The following ABCC4 variants were observed in gnomAD, a reference collection of about 807,000 sequenced individuals.
The protein encoded by ABCC4 is ATP binding cassette subfamily C member 4 (PEL blood group).
In ABCC4, 102 loss-of-function variants were observed where a neutral mutation model predicts 168.5. That is an observed-to-expected ratio of 0.61 (90% CI 0.52 to 0.71). The LOEUF (loss-of-function observed/expected upper bound fraction) is 0.71. Ranked by LOEUF, ABCC4 falls within the 30% of genes least tolerant of loss-of-function variation. The probability of loss-of-function intolerance (pLI) is 0.00; values close to 1 mark genes in which losing one functional copy is unlikely to be tolerated. For synonymous variants in ABCC4, 617 were observed against 590.7 expected, an observed-to-expected ratio of 1.04 and a Z score of -0.65; for missense variants, 1,402 against 1,605.8, an observed-to-expected ratio of 0.87 and a Z score of 2.17.
At chr13:95,136,433 G>A (rs1211252770) in intron 19 of ABCC4, among the ~76,000 whole-genome samples, 1 of 152,168 alleles carries the variant, frequency 6.6e-6, no homozygotes, top group Non-Finnish European at 1.5e-5. Flanking sequence ...AAGATTACAG[G>A]CGTGAGCCAC....
chr13:95,071,921 T>C, intron 24 of ABCC4, 68 bp from the exon 25 acceptor site: 1 of 1,170,690 alleles, frequency 8.5e-7, no homozygotes, highest in Non-Finnish European at 1.1e-6. Context: ...TAAGAGACTG[T>C]CAATGAAATG....
chr13:95,100,243 A>G (rs777115023), intron 20 of ABCC4, among the ~76,000 whole-genome samples: 4 of 152,294 alleles, frequency 2.6e-5, no homozygotes, highest in Admixed American at 1.3e-4. Context: ...ATACCACCAG[A>G]CTTGATAAAA....
chr13:95,155,490 AAC>A (rs1231944759), intron 19 of ABCC4, among the ~76,000 whole-genome samples: 1 of 152,208 alleles, frequency 6.6e-6, no homozygotes, highest in Non-Finnish European at 1.5e-5. Flanking sequence ...AAAAAAAAGA[AAC>A]ATGGGAAGAA....
At chr13:95,045,934 A>G (rs2032557827) in intron 27 of ABCC4, among the ~76,000 whole-genome samples, 1 of 152,254 alleles carries the variant, frequency 6.6e-6, no homozygotes, top group Non-Finnish European at 1.5e-5. Flanking sequence ...TCCAAGAAAC[A>G]GGAATTTTGA....
intron 13 of ABCC4, among the ~76,000 whole-genome samples, chr13:95,172,618 T>C (rs1199519249): frequency 6.7e-6 from 1 of 148,830 alleles, no homozygotes; most frequent in Non-Finnish European, 1.5e-5. Flanking sequence ...ACATACAATG[T>C]TGGAGGTGAC....
chr13:95,046,390 G>T (rs1267738375), intron 27 of ABCC4, among the ~76,000 whole-genome samples: 6 of 152,154 alleles, frequency 3.9e-5, no homozygotes, highest in East Asian at 1.9e-4. Flanking sequence ...GTGAGGTGAA[G>T]AATAATGAAC....
At chr13:95,287,688 A>C (rs893065161) in intron 1 of ABCC4, among the ~76,000 whole-genome samples, 3 of 151,970 alleles carry the variant, frequency 2.0e-5, no homozygotes, top group African/African-American at 4.8e-5. Flanking sequence ...AAATTTGAGG[A>C]TGTAGTGTGC....
intron 23 of ABCC4, 65 bp downstream of exon 23, chr13:95,074,149 A>T: frequency 5.4e-6 from 7 of 1,289,038 alleles, no homozygotes. Context: ...GCAAGAGTTT[A>T]ATAAATGTAA....
intron 3 of ABCC4, among the ~76,000 whole-genome samples, chr13:95,239,097 T>TA (rs66526490): frequency 6.6e-5 from 10 of 150,890 alleles, no homozygotes; most frequent in South Asian, 4.2e-4. Context: ...TATTTGACTG[T>TA]AAAAAAAAAT....
chr13:95,280,204 T>C (rs1303187582), intron 1 of ABCC4, among the ~76,000 whole-genome samples: 1 of 151,968 alleles, frequency 6.6e-6, no homozygotes, highest in Non-Finnish European at 1.5e-5. Context: ...TCACTTGTAA[T>C]CAGGAGTTCG....
chr13:95,247,722 T>C lies in ABCC4; in HGVS notation c.106A>G (p.Lys36Glu). 1 of 1,614,108 alleles carries C rather than the reference T, an allele frequency of 6.2e-7. No homozygotes were observed. Among genetic ancestry groups the C allele is most frequent in the African/African-American group, 1.3e-5 (1 of 75,038 alleles). ...ATATCATCTTCCTCTAATCTCCGTT[T>C]ATGGCCAATTTTAAACAAGGGATTG... Reference protein sequence around the residue: ...WLNPLFKIGHKRRLEEDDMYS... With the variant: ...WLNPLFKIGHERRLEEDDMYS... Residue 36 changes from lysine to glutamate, a missense_variant, in exon 2 of 31, where the codon AAA (lysine) becomes GAA (glutamate). By Grantham distance (56) the Lys-to-Glu change is moderately conservative (BLOSUM62 1). Around this residue, in one of 3 missense-constraint regions of ABCC4, gnomAD observed 317 missense variants for 345.5 expected, o/e 0.92. Coordinates refer to ENST00000645237, the MANE Select transcript of ABCC4 (RefSeq NM_005845.5).
chr13:95,267,905 G>A (rs2040727283), intron 1 of ABCC4, among the ~76,000 whole-genome samples: 1 of 152,112 alleles, frequency 6.6e-6, no homozygotes, highest in African/African-American at 2.4e-5. Flanking sequence ...CAATCCCACA[G>A]CCAATGAGCC....
rs1566553891 is a variant in ABCC4, at chr13:95,234,784, A to AT, written c.356dup (p.Tyr119Ter). 6.3e-6 allele frequency: 10 copies of AT among 1,599,786 alleles called. No individual in the cohort carries two copies. The highest frequency in any genetic ancestry group is 1.7e-5 in the Admixed American group (1 of 58,336). The change falls in exon 4 of 31, where the codon TAT becomes TAAT. Residue 119 changes from tyrosine to a stop codon, truncating the protein, a stop_gained and frameshift_variant. Coordinates refer to ENST00000645237, the MANE Select transcript of ABCC4 (RefSeq NM_005845.5). LOFTEE classifies it high-confidence loss of function. ...AATCCATGGGATCATAATTTTCAAA[A>AT]TAATTAATAATTTTTCCCAAAAATA... Reference protein sequence around the residue: ...QPIFLGKIINYFENYDPMDSV... With the variant: ...QPIFLGKIIN
At chr13:95,177,531 T>C (rs2037745870) in intron 13 of ABCC4, among the ~76,000 whole-genome samples, 176 bp downstream of exon 13, 1 of 152,190 alleles carries the variant, frequency 6.6e-6, no homozygotes, top group Non-Finnish European at 1.5e-5. Flanking sequence ...TTTTCCTACC[T>C]TGACCTTGTA....
At chr13:95,265,096 T>C (rs1164856674) in intron 1 of ABCC4, among the ~76,000 whole-genome samples, 1 of 152,158 alleles carries the variant, frequency 6.6e-6, no homozygotes, top group Non-Finnish European at 1.5e-5. Flanking sequence ...CTCGAACTCC[T>C]GACCTCAGGT....
At chr13:95,107,589 C>CTA (rs2035051828) in intron 20 of ABCC4, among the ~76,000 whole-genome samples, 1 of 152,128 alleles carries the variant, frequency 6.6e-6, no homozygotes, top group African/African-American at 2.4e-5. Context: ...TACCACAGAG[C>CTA]TATATATATC....
chr13:95,235,984 A>G (rs2039755745), intron 3 of ABCC4, among the ~76,000 whole-genome samples: 1 of 152,166 alleles, frequency 6.6e-6, no homozygotes, highest in Non-Finnish European at 1.5e-5. Context: ...TCCCACACCA[A>G]TGAGCTGGGA....
At chr13:95,143,468 G>A (rs992033281) in intron 19 of ABCC4, among the ~76,000 whole-genome samples, 1 of 152,140 alleles carries the variant, frequency 6.6e-6, no homozygotes, top group Non-Finnish European at 1.5e-5. Context: ...ATAGTTAACA[G>A]GACTTCTAAT....
chr13:95,116,071 C>A, intron 19 of ABCC4, 70 bp from the exon 20 acceptor site: 4 of 1,105,248 alleles, frequency 3.6e-6, no homozygotes, highest in Non-Finnish European at 4.0e-6. Flanking sequence ...AATTCGCAAA[C>A]AAATCAAAAC....
Sources: allele counts gnomAD v4.1 joint callset (sites outside exome capture counted in the v4.1 genomes callset), GRCh38; gene constraint gnomAD v4.1.1; regional missense constraint gnomAD v4.1.1; transcripts MANE v1.5; gene names NCBI Gene and HGNC (gene_info 2026-07-23, HGNC 2026-07-21).